RYR3: variants seen among roughly 807,000 people sequenced by gnomAD.
RYR3 encodes brain ryanodine receptor-calcium release channel.
In RYR3, 207 loss-of-function variants were observed where a neutral mutation model predicts 584.3. That is an observed-to-expected ratio of 0.35 (90% confidence interval 0.32 to 0.40). The LOEUF is 0.40. RYR3 is among the 10% of genes least tolerant of loss of function. The pLI, the probability that RYR3 is intolerant of heterozygous loss-of-function variation, is 1.00. For synonymous variants in RYR3, 2,416 were observed against 2,248.5 expected (o/e 1.07, Z -2.11); for missense variants, 5,616 against 6,089.2 (o/e 0.92, Z 2.59).
At chr15:33,577,243 T>G (rs1473040552) in intron 12 of RYR3, among the ~76,000 whole-genome samples, 2 of 152,204 alleles carry the variant, frequency 1.3e-5, no homozygotes, top group African/African-American at 4.8e-5. Context: ...CCATTGACAT[T>G]CTTCACAGAA....
intron 2 of RYR3, among the ~76,000 whole-genome samples, chr15:33,498,023 G>T (rs542319162): frequency 6.6e-6 from 1 of 152,220 alleles, no homozygotes; most frequent in East Asian, 1.9e-4. Context: ...ACTCACCCAT[G>T]TTGCCACGAA....
chr15:33,699,262 TTC>T (rs1302207912), intron 40 of RYR3, among the ~76,000 whole-genome samples: 1 of 94,916 alleles, frequency 1.1e-5, no homozygotes, highest in Non-Finnish European at 2.0e-5. Flanking sequence ...CTCCCCCCCT[TTC>T]TCTCTCTCCC....
chr15:33,735,009 A>G (rs891194099), intron 48 of RYR3, among the ~76,000 whole-genome samples: 1 of 123,738 alleles, frequency 8.1e-6, no homozygotes, highest in African/African-American at 3.1e-5. Flanking sequence ...GGAATTTTAC[A>G]TCAAACAAAA....
At chr15:33,583,686 G>A (rs566843954) in intron 14 of RYR3, among the ~76,000 whole-genome samples, 70 of 152,298 alleles carry the variant, frequency 4.6e-4, no homozygotes, top group African/African-American at 1.4e-3. Flanking sequence ...TTGGGAGGCT[G>A]AGGTGAGGAG....
intron 18 of RYR3, among the ~76,000 whole-genome samples, chr15:33,603,604 A>G (rs958942580): frequency 6.6e-6 from 1 of 152,212 alleles, no homozygotes; most frequent in African/African-American, 2.4e-5. Context: ...TTGTATCTGT[A>G]TGAGCCTTAT....
At chr15:33,636,671 C>G (rs901421991) in intron 27 of RYR3, 121 bp downstream of exon 27, 3 of 878,676 alleles carry the variant, frequency 3.4e-6, no homozygotes, top group South Asian at 3.6e-5. Context: ...ATTTGAAAAC[C>G]CTAATGGTGA....
At chr15:33,557,634 C>T (rs1224066094) in intron 10 of RYR3, among the ~76,000 whole-genome samples, 2 of 152,132 alleles carry the variant, frequency 1.3e-5, no homozygotes, top group Non-Finnish European at 2.9e-5. Context: ...CCACCCACCT[C>T]GGCCTCCCAA....
intron 4 of RYR3, 116 bp from the exon 5 acceptor site, chr15:33,533,195 A>G: frequency 3.0e-6 from 2 of 671,858 alleles, no homozygotes; most frequent in South Asian, 1.7e-5. Flanking sequence ...AACAAGATAA[A>G]TAGAGCTGTC....
chr15:33,645,512 T>G (rs2062051806), intron 28 of RYR3, among the ~76,000 whole-genome samples: 1 of 152,180 alleles, frequency 6.6e-6, no homozygotes, highest in East Asian at 1.9e-4. Context: ...TCTCTCTGAT[T>G]CCTCCCTAAC....
At position 33,854,442 on chromosome 15, in the gene RYR3, C is replaced by T; in HGVS notation, c.13853C>T (p.Thr4618Ile). 1.3e-6 allele frequency: 2 copies of T among 1,572,406 alleles called. No individual in the cohort carries two copies. The highest frequency in any genetic ancestry group is 1.7e-6 in the Non-Finnish European group (2 of 1,157,708). ...ATCTGGAAGCTTGGAGTTGTTTTTA[C>T]TGACAACGTAAGTACTGCACCTGGA... ...YHIWKLGVVF[T>I]DNSFLYLAWY... The change falls in exon 97 of 104, where the codon ACT becomes ATT. Residue 4618 changes from threonine (T) to isoleucine (I), a missense_variant. This residue lies in a region of RYR3 where 918 missense variants were observed against 887.4 expected (regional missense o/e 1.03). Coordinates refer to ENST00000634891, the MANE Select transcript of RYR3 (RefSeq NM_001036.6).
At chr15:33,526,308 T>C (rs2141007846) in intron 3 of RYR3, among the ~76,000 whole-genome samples, 3 of 152,338 alleles carry the variant, frequency 2.0e-5, no homozygotes, top group Admixed American at 2.0e-4. Context: ...CCTCTGGACA[T>C]GGCATCAGGG....
At chr15:33,845,609 C>T (rs544517984) in intron 93 of RYR3, among the ~76,000 whole-genome samples, 12 of 152,276 alleles carry the variant, frequency 7.9e-5, no homozygotes, top group Admixed American at 2.6e-4. Flanking sequence ...GCAATCTGTA[C>T]GCACTTTCAA....
intron 66 of RYR3, among the ~76,000 whole-genome samples, chr15:33,786,480 GTT>G (rs1209014459): frequency 7.0e-6 from 1 of 143,304 alleles, no homozygotes; most frequent in Non-Finnish European, 1.5e-5. Flanking sequence ...GCACTTTGTT[GTT>G]TTTTTTTTTT....
chr15:33,347,894 G>C (rs754473071), intron 1 of RYR3, among the ~76,000 whole-genome samples: 1 of 151,846 alleles, frequency 6.6e-6, no homozygotes, highest in African/African-American at 2.4e-5. Flanking sequence ...TTTCATTGGA[G>C]AGTGATATCA....
rs946067814 is a variant in RYR3 at position 33,696,360 on chromosome 15, G to A, written c.6003G>A (p.Arg2001=). Reference sequence around the variant, plus strand: ...TTGGGGAGCTGCTGCAGGCGCTGCGGAAGACCTACACCATCAGCCACACCT... The same window carrying A: ...TTGGGGAGCTGCTGCAGGCGCTGCGAAAGACCTACACCATCAGCCACACCT... ...DSIGELLQAL[R]KTYTISHTSV... Residue 2001 remains arginine, a synonymous_variant, in exon 39 of 104, where the codon CGG becomes CGA. Transcript: ENST00000634891. The A allele has an allele frequency of 1.2e-6, 2 of 1,613,364 alleles. No individual in the cohort carries two copies. Among genetic ancestry groups the A allele is most frequent in the African/African-American group, 2.7e-5 (2 of 74,730 alleles).
chr15:33,380,582 A>C (rs754488905), intron 1 of RYR3, among the ~76,000 whole-genome samples: 17 of 152,194 alleles, frequency 1.1e-4, no homozygotes, highest in Non-Finnish European at 2.1e-4. Context: ...CACAGGCTGC[A>C]CTTAGTATCA....
chr15:33,712,649 A>G (rs1325673762), intron 43 of RYR3, among the ~76,000 whole-genome samples: 1 of 152,198 alleles, frequency 6.6e-6, no homozygotes, highest in Non-Finnish European at 1.5e-5. Context: ...AAGGCATGAA[A>G]AAGAAAAATG....
intron 1 of RYR3, among the ~76,000 whole-genome samples, chr15:33,407,324 G>T (rs1212252090): frequency 6.6e-6 from 1 of 152,212 alleles, no homozygotes; most frequent in Non-Finnish European, 1.5e-5. Flanking sequence ...TGACAGAAGA[G>T]AAGTAAAACA....
At chr15:33,822,340 G>A (rs2077154327) in intron 80 of RYR3, among the ~76,000 whole-genome samples, 1 of 152,092 alleles carries the variant, frequency 6.6e-6, no homozygotes, top group Admixed American at 6.5e-5. Flanking sequence ...CATTCATAAG[G>A]GTTATATCCC....
Sources: allele counts gnomAD v4.1 joint callset (sites outside exome capture counted in the v4.1 genomes callset), GRCh38; gene constraint gnomAD v4.1.1; regional missense constraint gnomAD v4.1.1; transcripts MANE v1.5; gene names NCBI Gene and HGNC (gene_info 2026-07-23, HGNC 2026-07-21).